LRRTM3: variants seen among roughly 807,000 people sequenced by gnomAD.
LRRTM3 encodes the protein leucine-rich repeat transmembrane neuronal protein 3.
In LRRTM3, 24 loss-of-function variants were observed where a neutral mutation model predicts 44.7. That is an observed-to-expected ratio of 0.54 (90% CI 0.39 to 0.76). The LOEUF (loss-of-function observed/expected upper bound fraction) is 0.76. Ranked by LOEUF, LRRTM3 falls within the 30% of genes least tolerant of loss-of-function variation. The pLI, the probability that LRRTM3 is intolerant of heterozygous loss-of-function variation, is 0.00. For synonymous variants in LRRTM3, 277 were observed against 278.7 expected (o/e 0.99, Z 0.06); for missense variants, 587 against 702.2 (o/e 0.84, Z 1.85).
intron 2 of LRRTM3, among the ~76,000 whole-genome samples, chr10:67,017,727 G>C (rs112624487): frequency 1.0e-5 from 1 of 98,300 alleles, no homozygotes; most frequent in Admixed American, 9.6e-5. Flanking sequence ...AAAATCATCT[G>C]TGTGTGTGTG....
rs1858219069 is a variant in LRRTM3 at position 67,099,617 on chromosome 10, T to C, written c.*1821T>C. 6.6e-6 allele frequency: 1 copy of C among 152,246 alleles called. No individual in the cohort carries two copies. Among genetic ancestry groups the C allele is most frequent in the Non-Finnish European group, 1.5e-5 (1 of 67,826 alleles). The allele number at this position is 152,246 out of a possible 1,614,324, so 9.4% of individuals were successfully genotyped here. Reference sequence around the variant, plus strand: ...TTAAAAACTGTGGAGCAAATTTTTGTTGAAAATATATAAAGTCAGAAAGAA... The same window carrying C: ...TTAAAAACTGTGGAGCAAATTTTTGCTGAAAATATATAAAGTCAGAAAGAA... On this transcript the variant is annotated 3_prime_UTR_variant, in exon 3 of 3. Transcript: ENST00000361320.
At position 66,927,822 on chromosome 10, in the gene LRRTM3, A is replaced by G; in HGVS notation, c.906A>G (p.Ile302Met). 6.2e-7 allele frequency: 1 copy of G among 1,614,256 alleles called. No individual in the cohort carries two copies. Among genetic ancestry groups the G allele is most frequent in the Non-Finnish European group, 8.5e-7 (1 of 1,180,044 alleles). Residue 302 changes from isoleucine (I) to methionine (M), a missense_variant, in exon 2 of 3, where the codon ATA becomes ATG. This residue lies in a region of LRRTM3 where 222 missense variants were observed against 323.3 expected (regional missense o/e 0.69). Coordinates refer to ENST00000361320, the MANE Select transcript of LRRTM3 (RefSeq NM_178011.5). The surrounding 1 kb of genome is among the most constrained non-coding windows in gnomAD (Gnocchi z 4.7). ...FIGQEILDSW[I>M]SLNDISLAGN... ...GTCAAGAGATTTTGGATTCTTGGAT[A>G]TCCCTCAATGACATCAGTCTTGCTG...
intron 2 of LRRTM3, among the ~76,000 whole-genome samples, chr10:67,040,527 T>TCCTACCCACTCTCC (rs1854327275): frequency 6.6e-6 from 1 of 152,120 alleles, no homozygotes; most frequent in Non-Finnish European, 1.5e-5. Context: ...ATTTACTCTC[T>TCCTACCCACTCTCC]CTTACCCACT....
chr10:67,005,864 T>G (rs968884651), intron 2 of LRRTM3, among the ~76,000 whole-genome samples: 2 of 151,560 alleles, frequency 1.3e-5, no homozygotes, highest in African/African-American at 4.8e-5. Flanking sequence ...TTTTCTATTT[T>G]TAGTAGAGGC....
intron 2 of LRRTM3, among the ~76,000 whole-genome samples, chr10:67,051,501 C>G (rs532026371): frequency 6.7e-6 from 1 of 150,326 alleles, no homozygotes; most frequent in Non-Finnish European, 1.5e-5. Flanking sequence ...ACCCTGTCAC[C>G]GAGGCTGGAG....
At chr10:67,049,030 GT>G (rs3998950) in intron 2 of LRRTM3, among the ~76,000 whole-genome samples, 43,389 of 144,644 alleles carry the variant, frequency 0.3, 6,060 homozygotes, top group Middle Eastern at 0.44. Flanking sequence ...ATGATAACTG[GT>G]TTTTTTTTTT....
intron 2 of LRRTM3, among the ~76,000 whole-genome samples, chr10:67,014,060 C>CT (rs1325697863): frequency 1.3e-5 from 2 of 151,958 alleles, no homozygotes; most frequent in Non-Finnish European, 2.9e-5. Context: ...AAAAAATAAC[C>CT]TTTTTTCCCC....
At chr10:67,067,971 C>G (rs1007652515) in intron 2 of LRRTM3, among the ~76,000 whole-genome samples, 1 of 152,094 alleles carries the variant, frequency 6.6e-6, no homozygotes, top group Non-Finnish European at 1.5e-5. Context: ...ACAGGGAAAC[C>G]CACATTTAAA....
rs767880583 is a variant in LRRTM3 at position 67,097,840 on chromosome 10, C to T, written c.*44C>T. The T allele has an allele frequency of 6.4e-7, 1 of 1,561,326 alleles. No homozygotes were observed. Among genetic ancestry groups the T allele is most frequent in the African/African-American group, 1.4e-5 (1 of 73,674 alleles). On this transcript the variant is annotated 3_prime_UTR_variant, in exon 3 of 3. Transcript: ENST00000361320. ...AGGGGTTGCTACCAAACTTTGTAAC[C>T]TCAAGGACAAAATGAGGAAGATGTG...
In LRRTM3 at chr10:66,991,231, C is replaced by A. The variant is rs955260391; in HGVS notation, c.1536+62779C>A. Among the ~76,000 whole-genome samples, 6 of 152,234 alleles carry A rather than the reference C, an allele frequency of 3.9e-5. No individual in the cohort carries two copies. In the East Asian group the frequency reaches 9.7e-4, roughly 25 times the overall value. On this transcript the variant is annotated intron_variant, in intron 2 of 2. Transcript: ENST00000361320. ...CCAGGTTTTCTAAATTTTCATATTT[C>A]AAATTAGTATAATTTGAGGGAAGTT...
intron 2 of LRRTM3, among the ~76,000 whole-genome samples, chr10:67,088,521 T>C (rs891843901): frequency 6.6e-6 from 1 of 151,946 alleles, no homozygotes; most frequent in Non-Finnish European, 1.5e-5. Flanking sequence ...ACTCTCCCTG[T>C]TACTTAGATG....
chr10:66,965,989 A>G (rs1849390947), intron 2 of LRRTM3, among the ~76,000 whole-genome samples: 2 of 152,192 alleles, frequency 1.3e-5, no homozygotes, highest in Non-Finnish European at 2.9e-5. Flanking sequence ...GCTCAGTACC[A>G]TAAAGGCAGT....
At chr10:66,960,835 T>G (rs1316262939) in intron 2 of LRRTM3, among the ~76,000 whole-genome samples, 4 of 152,146 alleles carry the variant, frequency 2.6e-5, no homozygotes, top group Non-Finnish European at 4.4e-5. Flanking sequence ...GGGTTAGGAA[T>G]AGTGACAGTG....
intron 2 of LRRTM3, among the ~76,000 whole-genome samples, chr10:67,021,118 A>C (rs555972279): frequency 1.8e-4 from 28 of 152,188 alleles, no homozygotes; most frequent in Non-Finnish European, 4.1e-4. Flanking sequence ...GGAGGAGATA[A>C]AATGTGACGG....
chr10:66,928,258 A>G lies in LRRTM3; in HGVS notation c.1342A>G (p.Ser448Gly). Residue 448 changes from serine (S) to glycine (G), a missense_variant, in exon 2 of 3, where the codon AGC becomes GGC. By Grantham distance (56) the Ser-to-Gly change is moderately conservative. Coordinates refer to ENST00000361320, the MANE Select transcript of LRRTM3 (RefSeq NM_178011.5). The part of the protein sequence containing the change: ...IYVSWKRYPA[S>G]MKQLQQRSLM... Reference sequence around the variant, plus strand: ...CGTGTCATGGAAGCGGTACCCTGCGAGCATGAAGCAGCTGCAGCAGCGCTC... The same window carrying G: ...CGTGTCATGGAAGCGGTACCCTGCGGGCATGAAGCAGCTGCAGCAGCGCTC... 1.9e-6 allele frequency: 3 copies of G among 1,614,168 alleles called. No homozygotes were observed. Among genetic ancestry groups the G allele is most frequent in the Non-Finnish European group, 2.5e-6 (3 of 1,180,040 alleles).
chr10:67,085,424 A>C (rs919022714), intron 2 of LRRTM3, among the ~76,000 whole-genome samples: 1 of 151,940 alleles, frequency 6.6e-6, no homozygotes, highest in Non-Finnish European at 1.5e-5. Flanking sequence ...AAAGTAAAAA[A>C]CATAGGTAAG....
intron 2 of LRRTM3, among the ~76,000 whole-genome samples, chr10:67,075,085 AACAATTCAGAT>A (rs72341857): frequency 0.35 from 52,518 of 151,486 alleles, 9,469 homozygotes; most frequent in Middle Eastern, 0.56. Flanking sequence ...TTGGTACCTG[AACAATTCAGAT>A]ACATTTGTAG....
rs539784900 is a variant in LRRTM3 at position 66,948,871 on chromosome 10, TAA to T, written c.1536+20422_1536+20423del. Among the ~76,000 whole-genome samples the T allele has an allele frequency of 2.6e-4, 39 of 152,298 alleles. No individual in the cohort carries two copies. The South Asian group carries it at 5.6e-3, about 22-fold the overall frequency. On this transcript the variant is annotated intron_variant, in intron 2 of 2. Coordinates refer to ENST00000361320, the MANE Select transcript of LRRTM3 (RefSeq NM_178011.5). ...TACTTCAGTGAAATGTTCTTTTCAG[TAA>T]AAGAGAGGGAGGAGAAGGTGTCAAG...
intron 2 of LRRTM3, among the ~76,000 whole-genome samples, chr10:67,048,230 A>G (rs575144576): frequency 1.8e-4 from 27 of 152,212 alleles, no homozygotes; most frequent in Admixed American, 8.5e-4. Context: ...CTCATGAAAA[A>G]TCATTTATAT....
Sources: gnomAD v4.1 joint callset for allele counts (sites outside exome capture counted in the v4.1 genomes callset) on GRCh38, gnomAD v4.1.1 for gene constraint, gnomAD v4.1.1 regional missense constraint, Gnocchi (gnomAD v3.1) non-coding constraint, MANE v1.5 for transcripts, NCBI Gene and HGNC (gene_info 2026-07-23, HGNC 2026-07-21) for gene names.